ADARB2: variants seen among roughly 807,000 people sequenced by gnomAD.
ADARB2 encodes the protein inactive double-stranded RNA-specific editase B2.
A neutral mutation model predicts 62.2 loss-of-function variants in ADARB2; 25 were observed. The ratio of observed to expected loss-of-function variants is 0.40; its 90% CI spans 0.29 to 0.56. The LOEUF (loss-of-function observed/expected upper bound fraction) is 0.56, where lower values mean the gene tolerates loss of function less well. Ranked by LOEUF, ADARB2 falls within the 20% of genes least tolerant of loss-of-function variation. The pLI is 0.43. For synonymous variants in ADARB2, 572 were observed against 500.8 expected, an observed-to-expected ratio of 1.14 and a Z score of -1.90; for missense variants, 1,071 against 1,077.4, an observed-to-expected ratio of 0.99 and a Z score of 0.08.
intron 3 of ADARB2, among the ~76,000 whole-genome samples, chr10:1,299,215 C>G (rs1440633541): frequency 6.6e-6 from 1 of 151,912 alleles, no homozygotes; most frequent in African/African-American, 2.4e-5. Flanking sequence ...CGAAGGGGCC[C>G]CAGATGGGGA....
At chr10:1,636,522 A>C (rs1200690545) in intron 1 of ADARB2, among the ~76,000 whole-genome samples, 1 of 152,092 alleles carries the variant, frequency 6.6e-6, no homozygotes, top group Non-Finnish European at 1.5e-5. Flanking sequence ...GTAAAAAACC[A>C]AAAGAAATGG....
chr10:1,494,687 A>G (rs551576792), intron 1 of ADARB2, among the ~76,000 whole-genome samples: 1 of 152,314 alleles, frequency 6.6e-6, no homozygotes, highest in Admixed American at 6.5e-5. Flanking sequence ...TAGAGTGATT[A>G]AATAATTGTA....
At chr10:1,614,686 C>A (rs1009017764) in intron 1 of ADARB2, among the ~76,000 whole-genome samples, 1 of 152,100 alleles carries the variant, frequency 6.6e-6, no homozygotes, top group Non-Finnish European at 1.5e-5. Flanking sequence ...CCGAGGCGGG[C>A]GGATCACGAG....
At chr10:1,225,805 G>T (rs1291462351) in intron 6 of ADARB2, among the ~76,000 whole-genome samples, 2 of 151,988 alleles carry the variant, frequency 1.3e-5, no homozygotes, top group Admixed American at 6.6e-5. Context: ...GGGTCCCTTT[G>T]TGGGTAACCC....
intron 8 of ADARB2, chr10:1,186,455 G>A (rs755882985): frequency 1.7e-5 from 9 of 518,244 alleles, no homozygotes; most frequent in Non-Finnish European, 3.5e-5. Context: ...TTGTCCCATT[G>A]GTGCCTCCTG....
chr10:1,658,132 C>T (rs1318443961), intron 1 of ADARB2, among the ~76,000 whole-genome samples: 1 of 147,826 alleles, frequency 6.8e-6, no homozygotes, highest in East Asian at 2.0e-4. Context: ...CTGATGCTGT[C>T]TCTCTCTCTC....
chr10:1,589,493 A>G (rs2813394), intron 1 of ADARB2, among the ~76,000 whole-genome samples: 114,272 of 151,044 alleles, frequency 0.76, 43,347 homozygotes, highest in East Asian at 0.89. Context: ...ATCCATGGTC[A>G]GGACATCCAC....
intron 1 of ADARB2, among the ~76,000 whole-genome samples, chr10:1,568,288 A>C (rs977425253): frequency 6.6e-6 from 1 of 152,224 alleles, no homozygotes; most frequent in Non-Finnish European, 1.5e-5. Context: ...CTGCCAGGAA[A>C]CGCTCAGCGG....
At chr10:1,298,864 C>T (rs370391134) in intron 3 of ADARB2, among the ~76,000 whole-genome samples, 68 of 150,542 alleles carry the variant, frequency 4.5e-4, no homozygotes, top group Non-Finnish European at 7.4e-4. Flanking sequence ...TTTAGCCTCC[C>T]GAGAAGCTAG....
At chr10:1,319,669 T>G (rs1831778046) in intron 3 of ADARB2, among the ~76,000 whole-genome samples, 1 of 152,122 alleles carries the variant, frequency 6.6e-6, no homozygotes, top group Non-Finnish European at 1.5e-5. Flanking sequence ...CTACAGAGTG[T>G]TGGGGACTAT....
intron 1 of ADARB2, chr10:1,526,833 AG>A: frequency 1.9e-6 from 1 of 518,010 alleles, no homozygotes; most frequent in Non-Finnish European, 4.0e-6. Context: ...TGGTGCGTGG[AG>A]GGGTCGTGAG....
At chr10:1,355,038 CT>C (rs1435371937) in intron 3 of ADARB2, among the ~76,000 whole-genome samples, 1 of 152,192 alleles carries the variant, frequency 6.6e-6, no homozygotes, top group East Asian at 1.9e-4. Flanking sequence ...TCCCACGAGG[CT>C]CCCATGTGTT....
chr10:1,275,877 G>A (rs928322884), intron 3 of ADARB2, among the ~76,000 whole-genome samples: 41 of 151,966 alleles, frequency 2.7e-4, no homozygotes, highest in Non-Finnish European at 1.2e-4. Context: ...TGGTGTATAT[G>A]TGCCACATTT....
intron 3 of ADARB2, among the ~76,000 whole-genome samples, chr10:1,304,568 A>G (rs1336472213): frequency 2.0e-5 from 3 of 152,202 alleles, no homozygotes; most frequent in Non-Finnish European, 4.4e-5. Context: ...TCAACAGAAT[A>G]TACATTTTTT....
At chr10:1,286,072 G>A (rs1205774316) in intron 3 of ADARB2, among the ~76,000 whole-genome samples, 1 of 151,874 alleles carries the variant, frequency 6.6e-6, no homozygotes, top group Non-Finnish European at 1.5e-5. Flanking sequence ...AGCGGGGGCG[G>A]GTGGTGGGGC....
intron 1 of ADARB2, among the ~76,000 whole-genome samples, chr10:1,673,312 T>TTGTGTGTGTGTGTGTG (rs1373662397): frequency 2.8e-5 from 2 of 72,282 alleles, no homozygotes; most frequent in East Asian, 9.4e-4. Context: ...AGATTTCATT[T>TTGTGTGTGTGTGTGTG]TATGTGTGTG....
At chr10:1,542,827 A>G (rs796667819) in intron 1 of ADARB2, among the ~76,000 whole-genome samples, 7 of 119,512 alleles carry the variant, frequency 5.9e-5, no homozygotes, top group East Asian at 3.7e-4. Flanking sequence ...GACGCAGTTC[A>G]GACCCTGGAT....
chr10:1,187,218 G>A lies in ADARB2; in HGVS notation c.1865-2179C>T, dbSNP rs551859357. 3.3e-5 allele frequency among the ~76,000 whole-genome samples: 5 copies of A among 152,374 alleles called. No homozygotes were observed. The South Asian group carries it at 1.0e-3, about 32-fold the overall frequency. On this transcript the variant is annotated intron_variant, in intron 8 of 9. Transcript: ENST00000381312. Reference sequence around the variant, plus strand: ...GGAGGGACAATCTGGCCCGTTGGCCGCTGTGGCTGTCCTACTAGGCAGGGG... The same window carrying A: ...GGAGGGACAATCTGGCCCGTTGGCCACTGTGGCTGTCCTACTAGGCAGGGG...
At chr10:1,728,602 T>G (rs1370587383) in intron 1 of ADARB2, among the ~76,000 whole-genome samples, 1 of 152,216 alleles carries the variant, frequency 6.6e-6, no homozygotes, top group Non-Finnish European at 1.5e-5. Flanking sequence ...CAAGAGCCCC[T>G]GTCATGATTT....
Sources: gnomAD v4.1 joint callset for allele counts (sites outside exome capture counted in the v4.1 genomes callset) on GRCh38, gnomAD v4.1.1 for gene constraint, MANE v1.5 for transcripts, NCBI Gene and HGNC (gene_info 2026-07-23, HGNC 2026-07-21) for gene names.